The following NFAT5 variants were observed in gnomAD, a reference collection of about 807,000 sequenced individuals.
NFAT5 encodes the protein nuclear factor of activated T cells 5.
Under a neutral mutation model 166.5 loss-of-function variants are expected in NFAT5, and 31 were observed. That is an observed-to-expected ratio of 0.19 (90% CI 0.14 to 0.25). NFAT5 has a LOEUF of 0.25. NFAT5 is among the 10% of genes least tolerant of loss of function. NFAT5 has a pLI of 1.00. For missense variants in NFAT5, 1,449 were observed against 1,821.8 expected (o/e 0.80, Z 3.72); for synonymous variants, 612 against 639.7 (o/e 0.96, Z 0.65).
intron 14 of NFAT5, among the ~76,000 whole-genome samples, 158 bp from the exon 15 acceptor site, chr16:69,696,202 C>T (rs1398025323): frequency 1.3e-5 from 2 of 152,098 alleles, no homozygotes; most frequent in African/African-American, 4.8e-5. Flanking sequence ...TCCCTTCCTC[C>T]AGAAATAAAT....
chr16:69,592,464 A>G (rs886681006), intron 2 of NFAT5, among the ~76,000 whole-genome samples: 1 of 152,110 alleles, frequency 6.6e-6, no homozygotes, highest in African/African-American at 2.4e-5. Flanking sequence ...TAGTATCTAA[A>G]ATCTTGTGAA....
chr16:69,666,917 C>G (rs1273779139), intron 7 of NFAT5, among the ~76,000 whole-genome samples: 5 of 151,850 alleles, frequency 3.3e-5, no homozygotes, highest in Non-Finnish European at 5.9e-5. Context: ...GACTTGGAAC[C>G]AACCCAGATG....
chr16:69,651,734 G>C (rs929762546), intron 4 of NFAT5, among the ~76,000 whole-genome samples: 3 of 150,008 alleles, frequency 2.0e-5, no homozygotes, highest in Non-Finnish European at 4.4e-5. Context: ...GCAATGGCAC[G>C]ATCTGGGCTC....
chr16:69,631,044 CA>C (rs2034691819), intron 3 of NFAT5, among the ~76,000 whole-genome samples: 2 of 152,162 alleles, frequency 1.3e-5, no homozygotes, highest in Admixed American at 1.3e-4. Context: ...GGGAATATAA[CA>C]TTGTGTTTAT....
chr16:69,652,970 C>T (rs2035735454), intron 4 of NFAT5, among the ~76,000 whole-genome samples: 1 of 152,194 alleles, frequency 6.6e-6, no homozygotes, highest in Non-Finnish European at 1.5e-5. Context: ...CTCCCTTCCT[C>T]CTACCACTCA....
At chr16:69,654,003 G>A (rs2035782524) in intron 5 of NFAT5, among the ~76,000 whole-genome samples, 1 of 151,656 alleles carries the variant, frequency 6.6e-6, no homozygotes, top group Non-Finnish European at 1.5e-5. Flanking sequence ...TCAAGTACAG[G>A]AGGAAAGAAG....
rs547434538 is a variant in NFAT5 at position 69,650,865 on chromosome 16, A to T, written c.813-2371A>T. Among the ~76,000 whole-genome samples the T allele has an allele frequency of 5.4e-4, 83 of 152,298 alleles. 1 individual carries two copies. The South Asian group carries it at 0.017, about 32-fold the overall frequency. ...TCAATAAATGAATATTTTTACTTTA[A>T]GATTAGTATAAAACAGAATATCATA... On this transcript the variant is annotated intron_variant, in intron 4 of 14. Transcript: ENST00000349945.
At chr16:69,653,174 T>C in intron 4 of NFAT5, 62 bp from the exon 5 acceptor site, 1 of 448,108 alleles carries the variant, frequency 2.2e-6, no homozygotes, top group Non-Finnish European at 3.3e-6. Context: ...TCTTAATGGC[T>C]TTTTTTTTTT....
chr16:69,629,836 T>C (rs563089790), intron 3 of NFAT5, among the ~76,000 whole-genome samples: 18 of 149,696 alleles, frequency 1.2e-4, no homozygotes, highest in African/African-American at 4.4e-4. Flanking sequence ...TGGTGTGACC[T>C]TGACTCACTG....
At chr16:69,602,130 T>G (rs956600610) in intron 2 of NFAT5, among the ~76,000 whole-genome samples, 1 of 152,216 alleles carries the variant, frequency 6.6e-6, no homozygotes, top group Admixed American at 6.5e-5. Flanking sequence ...AGGCTTTTTT[T>G]TTCATTGGGA....
rs955544457 is a variant in NFAT5, at chr16:69,653,532, A to G, written c.1005+104A>G. 7.2e-6 allele frequency: 5 copies of G among 696,236 alleles called. No homozygotes were observed. In the African/African-American group the frequency reaches 7.5e-5, roughly 11 times the overall value. 43.1% of individuals were successfully genotyped at this position (696,236 alleles called of 1,614,324 possible). ...TTCAAATCATGAATTTTCTTCCCTCATATTTGATATTTGAATTAGATTCAT... is the reference window on the plus strand; with the variant it reads ...TTCAAATCATGAATTTTCTTCCCTCGTATTTGATATTTGAATTAGATTCAT... On this transcript the variant is annotated intron_variant, in intron 5 of 14. Transcript: ENST00000349945.
rs184061255 is a variant in NFAT5, at chr16:69,634,028, A to T, written c.253+7500A>T. 2.0e-4 allele frequency among the ~76,000 whole-genome samples: 29 copies of T among 147,332 alleles called. No individual in the cohort carries two copies. The East Asian group carries it at 6.5e-3, about 33-fold the overall frequency. ...CATAGTGGCTCATGTTTGTAATCCC[A>T]GCACTTTGGGGGGCCGAGGCGGGCA... is the stretch of plus-strand genomic sequence containing the variant. On this transcript the variant is annotated intron_variant, in intron 3 of 14. Coordinates refer to ENST00000349945, the MANE Select transcript of NFAT5 (RefSeq NM_138713.4).
chr16:69,571,188 C>T (rs979579538), intron 2 of NFAT5, among the ~76,000 whole-genome samples: 1 of 135,510 alleles, frequency 7.4e-6, no homozygotes, highest in African/African-American at 2.8e-5. Flanking sequence ...CCTGTAATAC[C>T]AACTACTCGC....
intron 9 of NFAT5, among the ~76,000 whole-genome samples, chr16:69,673,140 G>C (rs1221531535): frequency 6.6e-6 from 1 of 152,076 alleles, no homozygotes; most frequent in Non-Finnish European, 1.5e-5. Context: ...AATAAGACAC[G>C]TGGTGGAATG....
intron 7 of NFAT5, 22 bp downstream of exon 7, chr16:69,659,921 T>C: frequency 6.5e-7 from 1 of 1,544,950 alleles, no homozygotes; most frequent in South Asian, 1.2e-5. Flanking sequence ...GATACGGAGA[T>C]ACTAAACATA....
intron 2 of NFAT5, among the ~76,000 whole-genome samples, chr16:69,603,001 A>G (rs976367407): frequency 6.6e-6 from 1 of 152,096 alleles, no homozygotes; most frequent in Non-Finnish European, 1.5e-5. Flanking sequence ...ATTATAAATC[A>G]TGTTACATGT....
intron 2 of NFAT5, among the ~76,000 whole-genome samples, chr16:69,595,278 A>T (rs994694655): frequency 1.8e-4 from 27 of 152,202 alleles, no homozygotes; most frequent in Non-Finnish European, 2.9e-5. Context: ...TCTTATAATG[A>T]TGTAAGATGA....
At chr16:69,596,414 G>C (rs921012065) in intron 2 of NFAT5, among the ~76,000 whole-genome samples, 1 of 152,054 alleles carries the variant, frequency 6.6e-6, no homozygotes, top group Non-Finnish European at 1.5e-5. Context: ...CATTAGAAGA[G>C]CTAGTCTTAA....
chr16:69,669,326 G>A (rs1005265308), intron 7 of NFAT5, among the ~76,000 whole-genome samples: 4 of 152,108 alleles, frequency 2.6e-5, no homozygotes, highest in Admixed American at 2.0e-4. Context: ...GGCCAAGGTG[G>A]GTGGATCACA....
Sources: allele counts gnomAD v4.1 joint callset (sites outside exome capture counted in the v4.1 genomes callset), GRCh38; gene constraint gnomAD v4.1.1; transcripts MANE v1.5; gene names NCBI Gene and HGNC (gene_info 2026-07-23, HGNC 2026-07-21).